GRM8: variants seen among roughly 807,000 people sequenced by gnomAD.
GRM8 encodes glutamate metabotropic receptor 8, also known as metabotropic glutamate receptor 8.
In GRM8, 47 loss-of-function variants were observed where a neutral mutation model predicts 87.2. The ratio of observed to expected loss-of-function variants is 0.54; its 90% confidence interval spans 0.43 to 0.69. The LOEUF (loss-of-function observed/expected upper bound fraction) is 0.69. Ranked by LOEUF, GRM8 falls within the 30% of genes least tolerant of loss-of-function variation. The pLI is 0.00. For missense variants in GRM8, 1,019 were observed against 1,139.2 expected (o/e 0.89, Z 1.52); for synonymous variants, 396 against 404.5 (o/e 0.98, Z 0.25).
chr7:126,958,377 T>A (rs1173505587), intron 3 of GRM8, among the ~76,000 whole-genome samples: 1 of 152,010 alleles, frequency 6.6e-6, no homozygotes, highest in Admixed American at 6.5e-5. Flanking sequence ...GTTCCTAGTG[T>A]CTCCAAGCTT....
chr7:126,438,810 CATT>C lies in GRM8; in HGVS notation c.*306_*308del. On this transcript the variant is annotated 3_prime_UTR_variant, in exon 11 of 11. Coordinates refer to ENST00000339582, the MANE Select transcript of GRM8 (RefSeq NM_000845.3). ...AGAAAAATACAAGAATAACATCAGA[CATT>C]ATTTATTTCAACAGCATTTTTTTTC... The C allele has an allele frequency of 3.6e-6, 1 of 279,524 alleles. No homozygotes were observed. The highest frequency in any genetic ancestry group is 6.7e-6 in the Non-Finnish European group (1 of 149,342). The allele number at this position is 279,524 out of a possible 1,614,324, so 17.3% of individuals were successfully genotyped here. A position where few individuals can be genotyped will look rare whatever the true frequency, so the allele number is the denominator to read the frequency against.
intron 7 of GRM8, among the ~76,000 whole-genome samples, chr7:126,767,364 C>A (rs1818301458): frequency 6.6e-6 from 1 of 152,014 alleles, no homozygotes; most frequent in African/African-American, 2.4e-5. Flanking sequence ...GCAAAACAGC[C>A]AGAGAAGACT....
intron 8 of GRM8, among the ~76,000 whole-genome samples, chr7:126,608,912 C>T (rs924586000): frequency 6.6e-6 from 1 of 152,024 alleles, no homozygotes; most frequent in African/African-American, 2.4e-5. Context: ...TACAAGCACC[C>T]ACCACCACCC....
chr7:126,458,744 C>A (rs558534283), intron 9 of GRM8, among the ~76,000 whole-genome samples: 7 of 151,022 alleles, frequency 4.6e-5, no homozygotes, highest in African/African-American at 1.7e-4. Flanking sequence ...TATATCCTTT[C>A]ACCTAAAAAG....
chr7:126,969,240 A>G (rs182357155), intron 3 of GRM8, among the ~76,000 whole-genome samples: 1 of 152,290 alleles, frequency 6.6e-6, no homozygotes, highest in East Asian at 1.9e-4. Context: ...TGTAAAATAA[A>G]ACAACAATAA....
intron 7 of GRM8, among the ~76,000 whole-genome samples, chr7:126,729,640 C>A (rs1813381961): frequency 6.6e-6 from 1 of 152,142 alleles, no homozygotes; most frequent in African/African-American, 2.4e-5. Context: ...CTGCATTTGG[C>A]AGATACTGGG....
At chr7:126,512,937 G>C (rs1811615066) in intron 9 of GRM8, 1 of 152,104 alleles carries the variant, frequency 6.6e-6, no homozygotes, top group African/African-American at 2.4e-5. Flanking sequence ...TCTGTGACTT[G>C]ATAGATTGAA....
intron 3 of GRM8, 73 bp downstream of exon 3, chr7:127,106,423 G>A: frequency 8.6e-7 from 1 of 1,168,150 alleles, no homozygotes; most frequent in Non-Finnish European, 1.3e-6. Context: ...ACAGATAAGA[G>A]AGCACTTGGA....
At chr7:126,738,325 TAGAG>T (rs1307685933) in intron 7 of GRM8, among the ~76,000 whole-genome samples, 1 of 151,934 alleles carries the variant, frequency 6.6e-6, no homozygotes. Flanking sequence ...CGTAGCCCAC[TAGAG>T]AGAGGGGAAT....
At chr7:126,544,698 CG>C (rs1562941755) in intron 8 of GRM8, among the ~76,000 whole-genome samples, 1 of 151,880 alleles carries the variant, frequency 6.6e-6, no homozygotes, top group Non-Finnish European at 1.5e-5. Context: ...TTAGTAGAGA[CG>C]GGGTTTCACC....
chr7:127,178,687 G>C (rs1587208368), intron 2 of GRM8, among the ~76,000 whole-genome samples: 1 of 152,276 alleles, frequency 6.6e-6, no homozygotes, highest in South Asian at 2.1e-4. Context: ...AAGGGATTCA[G>C]TCTCCTCAAA....
intron 6 of GRM8, among the ~76,000 whole-genome samples, chr7:126,864,210 A>G (rs567964644): frequency 2.2e-4 from 34 of 151,922 alleles, no homozygotes; most frequent in African/African-American, 8.2e-4. Flanking sequence ...TTTCATTCCT[A>G]TCCATTTCAC....
rs940464297 is a variant in GRM8, at chr7:127,068,271, C to T, written c.727+38225G>A. On this transcript the variant is annotated intron_variant, in intron 3 of 10. Coordinates refer to ENST00000339582, the MANE Select transcript of GRM8 (RefSeq NM_000845.3). ...GAACTTGTAGCCAGCATTCCAAATT[C>T]AATTTATTAACTCCCTCATCAATAG... is the stretch of plus-strand genomic sequence containing the variant. Among the ~76,000 whole-genome samples, 53 of 152,116 alleles carry T rather than the reference C, an allele frequency of 3.5e-4. 3 individuals carry two copies.
intron 7 of GRM8, among the ~76,000 whole-genome samples, chr7:126,735,102 G>A (rs1283974935): frequency 6.6e-6 from 1 of 152,132 alleles, no homozygotes; most frequent in Non-Finnish European, 1.5e-5. Flanking sequence ...GGAGAATCTT[G>A]ATGGATGGGC....
chr7:127,094,556 C>T (rs1824459087), intron 3 of GRM8, among the ~76,000 whole-genome samples: 1 of 152,174 alleles, frequency 6.6e-6, no homozygotes, highest in Middle Eastern at 3.2e-3. Context: ...TGCCAAATAT[C>T]ACCAGCAAAC....
intron 7 of GRM8, among the ~76,000 whole-genome samples, chr7:126,753,489 C>A (rs958149077): frequency 5.3e-5 from 8 of 151,586 alleles, no homozygotes; most frequent in African/African-American, 1.9e-4. Flanking sequence ...CACATACACA[C>A]ACATATTAAA....
At chr7:126,604,978 T>C (rs1460459526) in intron 8 of GRM8, among the ~76,000 whole-genome samples, 1 of 152,224 alleles carries the variant, frequency 6.6e-6, no homozygotes, top group African/African-American at 2.4e-5. Context: ...TTCAACTTAT[T>C]TCCTTGATTA....
chr7:126,723,297 A>T (rs918282226), intron 7 of GRM8, among the ~76,000 whole-genome samples: 2 of 151,826 alleles, frequency 1.3e-5, no homozygotes, highest in Non-Finnish European at 2.9e-5. Flanking sequence ...TCTTTATTTC[A>T]CCTATATTTA....
chr7:127,013,854 C>T (rs1394836794), intron 3 of GRM8, among the ~76,000 whole-genome samples: 1 of 152,092 alleles, frequency 6.6e-6, no homozygotes, highest in Non-Finnish European at 1.5e-5. Context: ...AGTTCAGCAA[C>T]ATGCAATACA....
Sources: gnomAD v4.1 joint callset for allele counts (sites outside exome capture counted in the v4.1 genomes callset) on GRCh38, gnomAD v4.1.1 for gene constraint, MANE v1.5 for transcripts, NCBI Gene and HGNC (gene_info 2026-07-23, HGNC 2026-07-21) for gene names.